Variants in CHCHD6 observed in about 807,000 individuals in gnomAD.
CHCHD6 encodes MICOS complex subunit MIC25.
In CHCHD6, 28 loss-of-function variants were observed where a neutral mutation model predicts 32.3. The observed-to-expected ratio is 0.87, with a 90% CI of 0.64 to 1.19. The LOEUF is 1.19. Ranked by LOEUF, CHCHD6 falls within the 50% of genes most tolerant of loss-of-function variation. The pLI is 0.00. For missense variants in CHCHD6, 333 were observed against 307.0 expected, an observed-to-expected ratio of 1.08 and a Z score of -0.63; for synonymous variants, 122 against 117.5, an observed-to-expected ratio of 1.04 and a Z score of -0.25.
chr3:126,923,603 GGCAGGA>G (rs2078283358), intron 6 of CHCHD6, among the ~76,000 whole-genome samples: 1 of 152,246 alleles, frequency 6.6e-6, no homozygotes, highest in Non-Finnish European at 1.5e-5. Flanking sequence ...CCTTGCACAA[GGCAGGA>G]GCCCCACACA....
intron 1 of CHCHD6, among the ~76,000 whole-genome samples, chr3:126,706,114 T>C (rs1411349229): frequency 1.3e-5 from 2 of 152,194 alleles, no homozygotes; most frequent in African/African-American, 2.4e-5. Context: ...GCTCTCACCC[T>C]TGTGATTTGG....
At position 126,733,104 on chromosome 3, in the gene CHCHD6, A is replaced by G; in HGVS notation, c.293A>G (p.Gln98Arg). 1.2e-6 allele frequency: 2 copies of G among 1,614,226 alleles called. No homozygotes were observed. Among genetic ancestry groups the G allele is most frequent in the Non-Finnish European group, 1.7e-6 (2 of 1,180,030 alleles). ...KRYEQEHAAI[Q>R]DKLFQVAKRE... ...TATGAACAGGAGCATGCTGCTATCC[A>G]GGATAAGCTCTTCCAGGTGGCAAAG... The change falls in exon 4 of 8, where the codon CAG becomes CGG. Residue 98 changes from glutamine (Q) to arginine (R), a missense_variant. Transcript: ENST00000290913.
At chr3:126,859,646 C>T (rs144747882) in intron 5 of CHCHD6, among the ~76,000 whole-genome samples, 108 of 152,318 alleles carry the variant, frequency 7.1e-4, no homozygotes, top group African/African-American at 2.5e-3. Flanking sequence ...TTATATTACA[C>T]ATGTTCTACA....
chr3:126,925,638 C>T (rs72982805), intron 6 of CHCHD6, among the ~76,000 whole-genome samples: 4,437 of 152,036 alleles, frequency 0.029, 150 homozygotes, highest in East Asian at 0.16. Context: ...TCTCCCTTGG[C>T]TGGCAGGCAG....
chr3:126,806,498 A>T (rs951784375), intron 4 of CHCHD6, among the ~76,000 whole-genome samples: 1 of 152,230 alleles, frequency 6.6e-6, no homozygotes, highest in Non-Finnish European at 1.5e-5. Flanking sequence ...CCACAATGAG[A>T]TACCATCTCA....
At chr3:126,764,980 C>A (rs200763108) in intron 4 of CHCHD6, among the ~76,000 whole-genome samples, 53 of 152,126 alleles carry the variant, frequency 3.5e-4, no homozygotes, top group African/African-American at 1.2e-3. Context: ...TTGGGACTGG[C>A]GGGACAGACA....
intron 5 of CHCHD6, among the ~76,000 whole-genome samples, chr3:126,891,964 A>AAG (rs1380139746): frequency 6.6e-6 from 1 of 152,176 alleles, no homozygotes; most frequent in African/African-American, 2.4e-5. Flanking sequence ...TGTGCTTGTC[A>AAG]CTGAGCTGGA....
chr3:126,810,069 G>T (rs1191962339), intron 4 of CHCHD6, among the ~76,000 whole-genome samples: 1 of 152,128 alleles, frequency 6.6e-6, no homozygotes, highest in Non-Finnish European at 1.5e-5. Context: ...AAGAATCAGA[G>T]TGTCTTCATA....
chr3:126,944,408 A>G (rs1490357963), intron 6 of CHCHD6, among the ~76,000 whole-genome samples: 2 of 152,262 alleles, frequency 1.3e-5, no homozygotes, highest in East Asian at 3.8e-4. Flanking sequence ...TTATTTATAG[A>G]ATATCTGCTT....
At chr3:126,765,959 G>A (rs370184565) in intron 4 of CHCHD6, among the ~76,000 whole-genome samples, 25 of 152,224 alleles carry the variant, frequency 1.6e-4, no homozygotes, top group African/African-American at 4.3e-4. Context: ...GCATGTGAGC[G>A]TGGTTTTGGA....
intron 6 of CHCHD6, among the ~76,000 whole-genome samples, chr3:126,941,526 C>T (rs2078559039): frequency 1.3e-5 from 2 of 152,204 alleles, no homozygotes; most frequent in Admixed American, 6.5e-5. Context: ...ACCCCACTCC[C>T]AGCCAGGAGA....
At chr3:126,733,315 C>G in intron 4 of CHCHD6, 93 bp downstream of exon 4, 1 of 1,262,380 alleles carries the variant, frequency 7.9e-7, no homozygotes, top group Non-Finnish European at 1.1e-6. Flanking sequence ...GTCTGAAGCC[C>G]TGCTGGCTCA....
At chr3:126,920,080 A>G (rs2078224900) in intron 6 of CHCHD6, among the ~76,000 whole-genome samples, 2 of 151,966 alleles carry the variant, frequency 1.3e-5, no homozygotes, top group Admixed American at 1.3e-4. Flanking sequence ...TTTCCATGCT[A>G]TAGTTGGAGT....
At chr3:126,811,574 G>A (rs1341870978) in intron 4 of CHCHD6, among the ~76,000 whole-genome samples, 3 of 148,160 alleles carry the variant, frequency 2.0e-5, no homozygotes, top group Non-Finnish European at 4.5e-5. Context: ...TTTTTCCCCT[G>A]CCCCAAGCTG....
intron 5 of CHCHD6, among the ~76,000 whole-genome samples, chr3:126,865,361 A>C (rs1942254702): frequency 6.8e-6 from 1 of 147,054 alleles, no homozygotes; most frequent in East Asian, 2.1e-4. Flanking sequence ...TTCTGCCCCC[A>C]CCACCACCAC....
chr3:126,930,942 C>A (rs2078394917), intron 6 of CHCHD6, among the ~76,000 whole-genome samples: 1 of 152,360 alleles, frequency 6.6e-6, no homozygotes, highest in East Asian at 1.9e-4. Context: ...CTTGGGAGCG[C>A]CCATCTCTTC....
intron 4 of CHCHD6, among the ~76,000 whole-genome samples, chr3:126,790,102 T>C (rs1385921674): frequency 6.6e-6 from 1 of 152,148 alleles, no homozygotes; most frequent in Non-Finnish European, 1.5e-5. Context: ...TGGCTGGATA[T>C]GAAATTCTGG....
intron 1 of CHCHD6, among the ~76,000 whole-genome samples, chr3:126,705,102 T>G (rs1352544244): frequency 6.6e-6 from 1 of 152,200 alleles, no homozygotes; most frequent in Non-Finnish European, 1.5e-5. Flanking sequence ...CCGGCTGTTC[T>G]CTCTCCTTCA....
chr3:126,712,402 C>G (rs1289368762), intron 1 of CHCHD6, among the ~76,000 whole-genome samples: 2 of 152,204 alleles, frequency 1.3e-5, no homozygotes, highest in Non-Finnish European at 2.9e-5. Context: ...TTACATTCCT[C>G]CTTTCTTGTA....
Sources: gnomAD v4.1 joint callset for allele counts (sites outside exome capture counted in the v4.1 genomes callset) on GRCh38, gnomAD v4.1.1 for gene constraint, MANE v1.5 for transcripts, NCBI Gene and HGNC (gene_info 2026-07-23, HGNC 2026-07-21) for gene names.